The following UHRF2 variants were observed in gnomAD, a reference collection of about 807,000 sequenced individuals.
UHRF2 encodes the protein ubiquitin like with PHD and ring finger domains 2, also known as E3 ubiquitin-protein ligase UHRF2.
A neutral mutation model predicts 96.8 loss-of-function variants in UHRF2; 23 were observed. The observed-to-expected ratio is 0.24, with a 90% confidence interval of 0.17 to 0.34. The LOEUF is 0.34. Among genes scored for constraint, UHRF2 ranks in the 10% least tolerant of loss-of-function variants. The pLI, the probability that UHRF2 is intolerant of heterozygous loss-of-function variation, is 1.00. For missense variants in UHRF2, 685 were observed against 981.5 expected (o/e 0.70, Z 4.04); for synonymous variants, 385 against 332.6 (o/e 1.16, Z -1.72).
chr9:6,449,043 C>G (rs961052751), intron 3 of UHRF2, among the ~76,000 whole-genome samples: 1 of 152,182 alleles, frequency 6.6e-6, no homozygotes, highest in Non-Finnish European at 1.5e-5. Flanking sequence ...CCTTTGAGCA[C>G]CACTGTATTA....
chr9:6,488,540 C>CT (rs58280407), intron 9 of UHRF2, among the ~76,000 whole-genome samples: 6,368 of 83,702 alleles, frequency 0.076, 455 homozygotes, highest in African/African-American at 0.17. Context: ...TTTTTCTTTT[C>CT]TTTTTTTTTT....
intron 1 of UHRF2, 187 bp downstream of exon 1, chr9:6,413,830 C>G (rs1819430874): frequency 1.5e-6 from 1 of 653,848 alleles, no homozygotes; most frequent in South Asian, 4.1e-5. Context: ...GAGTGGGTCC[C>G]TGCCAGCCCC....
rs1042392006 is a variant in UHRF2, at chr9:6,460,783, T to C, written c.855T>C (p.Ile285=). 6.2e-7 allele frequency: 1 copy of C among 1,612,046 alleles called. No homozygotes were observed. Among genetic ancestry groups the C allele is most frequent in the East Asian group, 2.2e-5 (1 of 44,836 alleles). The part of the protein sequence containing the change: ...SRTKKELRVK[I]FLGGSEGTLN... ...CCAAAAAAGAACTTCGTGTGAAAAT[T>C]TTCCTGGGGTAAGATTGTCTTCACT... The change falls in exon 4 of 16, where the codon ATT becomes ATC. Residue 285 remains isoleucine, a synonymous_variant. Coordinates refer to ENST00000276893, the MANE Select transcript of UHRF2 (RefSeq NM_152896.3).
chr9:6,480,103 C>T (rs759520377), intron 6 of UHRF2, among the ~76,000 whole-genome samples: 27 of 152,184 alleles, frequency 1.8e-4, no homozygotes, highest in Non-Finnish European at 3.5e-4. Context: ...TTATCACTAA[C>T]CTGTTTACTT....
chr9:6,499,810 A>C (rs1587884438), intron 12 of UHRF2, 25 bp from the exon 13 acceptor site: 3 of 1,446,394 alleles, frequency 2.1e-6, no homozygotes, highest in African/African-American at 1.6e-5. Context: ...TCTGCATTGT[A>C]CTCTCCCTCC....
chr9:6,455,597 A>G (rs1822130405), intron 3 of UHRF2, among the ~76,000 whole-genome samples: 2 of 152,226 alleles, frequency 1.3e-5, no homozygotes, highest in South Asian at 2.1e-4. Context: ...TGCAGTGAGC[A>G]TACTTGAGGA....
intron 4 of UHRF2, among the ~76,000 whole-genome samples, chr9:6,466,551 GAAAAAAA>G (rs34552859): frequency 2.3e-4 from 25 of 110,950 alleles, no homozygotes; most frequent in Non-Finnish European, 4.2e-4. Context: ...AAAAAAAAAG[GAAAAAAA>G]AAAAAAAAAA....
chr9:6,434,259 C>G (rs1820709009), intron 3 of UHRF2, 86 bp downstream of exon 3: 2 of 1,435,650 alleles, frequency 1.4e-6, no homozygotes, highest in Admixed American at 4.8e-5. Context: ...TTTAAATAGT[C>G]TTTCTGAAGA....
intron 9 of UHRF2, among the ~76,000 whole-genome samples, chr9:6,489,028 T>G (rs1451087350): frequency 6.6e-6 from 1 of 152,000 alleles, no homozygotes; most frequent in Non-Finnish European, 1.5e-5. Flanking sequence ...CAGGCTGGTC[T>G]CAAACTCCTG....
At chr9:6,481,923 C>G (rs1483899561) in intron 7 of UHRF2, 69 bp from the exon 8 acceptor site, 2 of 1,570,956 alleles carry the variant, frequency 1.3e-6, no homozygotes, top group East Asian at 2.2e-5. Flanking sequence ...CTAGTCACAT[C>G]TCAGAATTAA....
At chr9:6,488,402 A>G (rs1035237513) in intron 9 of UHRF2, among the ~76,000 whole-genome samples, 4 of 151,214 alleles carry the variant, frequency 2.6e-5, no homozygotes, top group Non-Finnish European at 5.9e-5. Context: ...GGATATTGAC[A>G]CTATACAGTC....
intron 4 of UHRF2, among the ~76,000 whole-genome samples, chr9:6,461,169 C>A (rs1365750751): frequency 6.6e-6 from 1 of 152,204 alleles, no homozygotes; most frequent in Admixed American, 6.5e-5. Flanking sequence ...AACCAGCTGT[C>A]TGCTGGACTT....
At chr9:6,447,278 G>T (rs1821575981) in intron 3 of UHRF2, among the ~76,000 whole-genome samples, 1 of 152,174 alleles carries the variant, frequency 6.6e-6, no homozygotes, top group Non-Finnish European at 1.5e-5. Flanking sequence ...ATTTGATTAA[G>T]ACCTTTTTAT....
chr9:6,417,395 T>C (rs1281760654), intron 1 of UHRF2, among the ~76,000 whole-genome samples: 2 of 152,238 alleles, frequency 1.3e-5, no homozygotes, highest in Non-Finnish European at 2.9e-5. Flanking sequence ...TACATGCTTC[T>C]GACTCACAGA....
intron 8 of UHRF2, among the ~76,000 whole-genome samples, chr9:6,483,103 A>G (rs1824022575): frequency 6.6e-6 from 1 of 151,938 alleles, no homozygotes; most frequent in South Asian, 2.1e-4. Context: ...CAGCAGCCAG[A>G]TCGCTTGAGG....
At chr9:6,504,151 C>T (rs746741417) in intron 14 of UHRF2, among the ~76,000 whole-genome samples, 1 of 151,384 alleles carries the variant, frequency 6.6e-6, no homozygotes, top group Non-Finnish European at 1.5e-5. Flanking sequence ...TCAGCCTCCC[C>T]AGCAGCTGGG....
At chr9:6,440,764 G>A (rs1263423608) in intron 3 of UHRF2, among the ~76,000 whole-genome samples, 2 of 152,148 alleles carry the variant, frequency 1.3e-5, no homozygotes, top group Non-Finnish European at 2.9e-5. Flanking sequence ...ATTAATTTTA[G>A]TTACTTAGAC....
In UHRF2 at chr9:6,421,036, C is replaced by G. The variant is rs557600837; in HGVS notation, c.278C>G (p.Ser93Cys). 73 of 1,614,166 alleles carry G rather than the reference C, an allele frequency of 4.5e-5. No individual in the cohort carries two copies. The East Asian group carries it at 1.0e-3, about 23-fold the overall frequency. ...ACACAGATTGAGGCTAAACCCTGTTCTAATAGTCCACCTAAAGTAAAGAAA... is the reference window on the plus strand; with the variant it reads ...ACACAGATTGAGGCTAAACCCTGTTGTAATAGTCCACCTAAAGTAAAGAAA... ...TSTQIEAKPC[S>C]NSPPKVKKAP... Residue 93 changes from serine to cysteine, a missense_variant, in exon 2 of 16, where the codon TCT (serine) becomes TGT (cysteine). Physicochemically the swap from Ser to Cys is moderately radical, Grantham distance 112 (BLOSUM62 -1). Coordinates refer to ENST00000276893, the MANE Select transcript of UHRF2 (RefSeq NM_152896.3).
At chr9:6,437,753 G>A (rs1011234023) in intron 3 of UHRF2, among the ~76,000 whole-genome samples, 3 of 152,052 alleles carry the variant, frequency 2.0e-5, no homozygotes, top group African/African-American at 7.3e-5. Flanking sequence ...AAGAAGCTAG[G>A]ATTATAGGCA....
Sources: allele counts gnomAD v4.1 joint callset (sites outside exome capture counted in the v4.1 genomes callset), GRCh38; gene constraint gnomAD v4.1.1; transcripts MANE v1.5; gene names NCBI Gene and HGNC (gene_info 2026-07-23, HGNC 2026-07-21).